The following ARHGAP24 variants were observed in gnomAD, a reference collection of about 807,000 sequenced individuals.
The protein encoded by ARHGAP24 is rho GTPase-activating protein 24.
Under a neutral mutation model 76.4 loss-of-function variants are expected in ARHGAP24, and 50 were observed. The observed-to-expected ratio is 0.65, with a 90% CI of 0.52 to 0.83. The LOEUF is 0.83. ARHGAP24 is among the 40% of genes least tolerant of loss of function. The pLI is 0.00. For synonymous variants in ARHGAP24, 345 were observed against 323.3 expected (o/e 1.07, Z -0.72); for missense variants, 930 against 914.2 (o/e 1.02, Z -0.22).
intron 3 of ARHGAP24, among the ~76,000 whole-genome samples, chr4:85,894,498 A>G (rs1734028426): frequency 6.6e-6 from 1 of 152,222 alleles, no homozygotes; most frequent in South Asian, 2.1e-4. Context: ...AAGGCACAAG[A>G]TCATCCAGAT....
intron 2 of ARHGAP24, among the ~76,000 whole-genome samples, chr4:85,701,621 CA>C (rs1466251536): frequency 1.3e-5 from 2 of 151,990 alleles, no homozygotes; most frequent in Non-Finnish European, 2.9e-5. Flanking sequence ...GTCACAAATA[CA>C]AAAGCCTGTC....
intron 3 of ARHGAP24, among the ~76,000 whole-genome samples, chr4:85,843,406 C>T (rs1027895556): frequency 2.0e-5 from 3 of 151,748 alleles, no homozygotes; most frequent in Non-Finnish European, 2.9e-5. Flanking sequence ...AAACTCAAGA[C>T]GCAAATAGCA....
At chr4:85,773,423 A>G (rs1727200476) in intron 3 of ARHGAP24, among the ~76,000 whole-genome samples, 3 of 152,148 alleles carry the variant, frequency 2.0e-5, no homozygotes. Context: ...TTTTCATTCC[A>G]CATGCCAGCT....
intron 9 of ARHGAP24, among the ~76,000 whole-genome samples, chr4:85,997,161 A>G (rs1163095389): frequency 6.6e-6 from 1 of 152,060 alleles, no homozygotes; most frequent in Non-Finnish European, 1.5e-5. Flanking sequence ...TAGAAAGTTA[A>G]CTGTTCTGGC....
intron 7 of ARHGAP24, chr4:85,975,375 T>C (rs1387143396): frequency 2.3e-5 from 4 of 170,420 alleles, no homozygotes; most frequent in Admixed American, 1.2e-4. Flanking sequence ...ATAGGTAAAA[T>C]GGTAATGAAA....
intron 3 of ARHGAP24, among the ~76,000 whole-genome samples, chr4:85,779,837 G>T (rs1727460003): frequency 6.6e-6 from 1 of 152,142 alleles, no homozygotes; most frequent in South Asian, 2.1e-4. Flanking sequence ...AATATTTGCT[G>T]CTGGCCAATA....
chr4:85,827,860 C>G, intron 3 of ARHGAP24: 1 of 1,264,076 alleles, frequency 7.9e-7, no homozygotes, highest in Middle Eastern at 2.2e-4. Flanking sequence ...ACAGTAGGAC[C>G]TGAGTTGGGC....
At position 85,995,250 on chromosome 4, in the gene ARHGAP24, T is replaced by C. The variant is rs529032144; in HGVS notation, c.1596T>C (p.Tyr532=). 2.1e-5 allele frequency: 34 copies of C among 1,613,960 alleles called. No individual in the cohort carries two copies. The South Asian group carries it at 3.2e-4, about 15-fold the overall frequency. Residue 532 remains tyrosine (Y), a synonymous_variant, in exon 9 of 10, where the codon TAT becomes TAC. Coordinates refer to ENST00000395184, the MANE Select transcript of ARHGAP24 (RefSeq NM_001025616.3). ...GCCAGCACAACAGACTGTCCACCTA[T>C]GATAATGTCCATCAACAGTTCTCCA... ...ELGQHNRLST[Y]DNVHQQFSMM... is the part of the protein sequence containing the mutation.
intron 2 of ARHGAP24, among the ~76,000 whole-genome samples, chr4:85,649,011 A>ATGTGTGTGTGTG (rs3028048): frequency 0.016 from 2,383 of 148,004 alleles, 62 homozygotes; most frequent in African/African-American, 0.058. Context: ...ATTTGTAAAT[A>ATGTGTGTGTGTG]TGTGTGTGTG....
chr4:85,551,694 A>G (rs1353198292), intron 1 of ARHGAP24, among the ~76,000 whole-genome samples: 1 of 152,124 alleles, frequency 6.6e-6, no homozygotes, highest in Non-Finnish European at 1.5e-5. Context: ...TACCGATTCA[A>G]TTTTGGAACT....
intron 3 of ARHGAP24, among the ~76,000 whole-genome samples, chr4:85,816,698 G>A (rs1199530328): frequency 6.6e-6 from 1 of 151,950 alleles, no homozygotes; most frequent in Non-Finnish European, 1.5e-5. Context: ...TTTATATCTT[G>A]GCTATTGTAA....
At chr4:85,761,885 G>A (rs547814863) in intron 3 of ARHGAP24, among the ~76,000 whole-genome samples, 1 of 152,268 alleles carries the variant, frequency 6.6e-6, no homozygotes, top group African/African-American at 2.4e-5. Flanking sequence ...CCAACAAATG[G>A]TTTTAAGGTG....
intron 1 of ARHGAP24, among the ~76,000 whole-genome samples, chr4:85,566,515 C>T (rs1353433918): frequency 2.0e-5 from 3 of 152,252 alleles, no homozygotes; most frequent in South Asian, 2.1e-4. Flanking sequence ...AAGTTCTTAG[C>T]GTACACATTC....
chr4:85,742,367 A>G (rs893649376), intron 3 of ARHGAP24, among the ~76,000 whole-genome samples: 19 of 152,200 alleles, frequency 1.2e-4, no homozygotes, highest in Non-Finnish European at 2.1e-4. Flanking sequence ...GAAAAGGAAT[A>G]CTAATTAACT....
At position 85,942,183 on chromosome 4, in the gene ARHGAP24, A is replaced by C. The variant is rs2148825242; in HGVS notation, c.509A>C (p.Glu170Ala). 1 of 1,614,104 alleles carries C rather than the reference A, an allele frequency of 6.2e-7. No homozygotes were observed. Among genetic ancestry groups the C allele is most frequent in the Non-Finnish European group, 8.5e-7 (1 of 1,180,010 alleles). The stretch of plus-strand genomic sequence containing the variant: ...TTTATCCGACAAAGGGGGCTGAAAG[A>C]AGAGGGTCTCTTTCGACTGCCAGGC... ...VDFIRQRGLK[E>A]EGLFRLPGQA... is the part of the protein sequence containing the mutation. The change falls in exon 5 of 10, where the codon GAA becomes GCA. Residue 170 changes from glutamate (E) to alanine (A), a missense_variant. Glu to Ala is a moderately radical substitution (Grantham distance 107, BLOSUM62 -1). Transcript: ENST00000395184.
At chr4:85,764,622 C>T (rs7674592) in intron 3 of ARHGAP24, among the ~76,000 whole-genome samples, 6,881 of 151,998 alleles carry the variant, frequency 0.045, 250 homozygotes, top group Non-Finnish European at 0.071. Context: ...TTCTTCAGCC[C>T]CCAGAGTAAT....
chr4:85,519,021 A>G (rs1433984530), intron 1 of ARHGAP24, among the ~76,000 whole-genome samples: 2 of 152,078 alleles, frequency 1.3e-5, no homozygotes, highest in African/African-American at 4.8e-5. Context: ...CATCCACCCC[A>G]ACATACAAAT....
intron 8 of ARHGAP24, among the ~76,000 whole-genome samples, chr4:85,978,406 C>G (rs1285508760): frequency 2.6e-5 from 4 of 152,132 alleles, no homozygotes; most frequent in African/African-American, 9.7e-5. Flanking sequence ...CCGTTCCTTT[C>G]CTTAAAATTC....
chr4:85,995,234 A>G lies in ARHGAP24; in HGVS notation c.1580A>G (p.Asn527Ser). 1 of 1,614,030 alleles carries G rather than the reference A, an allele frequency of 6.2e-7. No individual in the cohort carries two copies. Among genetic ancestry groups the G allele is most frequent in the African/African-American group, 1.3e-5 (1 of 75,010 alleles). Residue 527 changes from asparagine to serine, a missense_variant, in exon 9 of 10, where the codon AAC (asparagine) becomes AGC (serine). Physicochemically the swap from Asn to Ser is conservative, Grantham distance 46. Coordinates refer to ENST00000395184, the MANE Select transcript of ARHGAP24 (RefSeq NM_001025616.3). ...CAAGCTGGAGAGTTAGGCCAGCACA[A>G]CAGACTGTCCACCTATGATAATGTC... ...KEQAGELGQHNRLSTYDNVHQ... is the reference protein window; with the variant it reads ...KEQAGELGQHSRLSTYDNVHQ...
Sources: allele counts gnomAD v4.1 joint callset (sites outside exome capture counted in the v4.1 genomes callset), GRCh38; gene constraint gnomAD v4.1.1; transcripts MANE v1.5; gene names NCBI Gene and HGNC (gene_info 2026-07-23, HGNC 2026-07-21).